Variants in SLC6A3 observed in about 807,000 individuals in gnomAD.
The protein encoded by SLC6A3 is solute carrier family 6 member 3.
A neutral mutation model predicts 70.4 loss-of-function variants in SLC6A3; 19 were observed. That is an observed-to-expected ratio of 0.27 (90% CI 0.19 to 0.40). SLC6A3 has a LOEUF of 0.40. Among genes scored for constraint, SLC6A3 ranks in the 10% least tolerant of loss-of-function variants. SLC6A3 has a pLI of 1.00. For missense variants in SLC6A3, 613 were observed against 838.5 expected (o/e 0.73, Z 3.32); for synonymous variants, 368 against 356.6 (o/e 1.03, Z -0.36).
intron 2 of SLC6A3, 103 bp from the exon 3 acceptor site, chr5:1,441,593 C>T (rs574328618): frequency 1.1e-4 from 150 of 1,355,318 alleles, no homozygotes; most frequent in Admixed American, 1.3e-4. Context: ...TGTCCTGGCC[C>T]GACCGTTTCA....
rs114987844 is a variant in SLC6A3, at chr5:1,438,827, G to A, written c.418+2532C>T. 0.01 allele frequency among the ~76,000 whole-genome samples: 1,571 copies of A among 152,298 alleles called. 26 individuals carry two copies. Among genetic ancestry groups the A allele is most frequent in the East Asian group, 0.06 (308 of 5,176 alleles). On this transcript the variant is annotated intron_variant, in intron 3 of 14. Transcript: ENST00000270349. This position sits in a 1 kb window ranked among gnomAD's most constrained non-coding sequence, Gnocchi z 6.5. The stretch of plus-strand genomic sequence containing the variant: ...ATCCAGCAAAGCACAGTTGGATGTC[G>A]CTGCAGCCTGTGCCAGAGCACAATG...
rs1479626266 is a variant in SLC6A3, at chr5:1,442,120, G to C, written c.287-630C>G. On this transcript the variant is annotated intron_variant, in intron 2 of 14. Coordinates refer to ENST00000270349, the MANE Select transcript of SLC6A3 (RefSeq NM_001044.5). This position sits in a 1 kb window ranked among gnomAD's most constrained non-coding sequence, Gnocchi z 5.0. ...CCTCTGCTCCCCTGGTCTGACTGGA[G>C]TGAGGGAGAGCTTTGCCACTCTCTC... Among the ~76,000 whole-genome samples the C allele has an allele frequency of 6.6e-6, 1 of 152,190 alleles. No homozygotes were observed. Among genetic ancestry groups the C allele is most frequent in the African/African-American group, 2.4e-5 (1 of 41,452 alleles).
In SLC6A3 at chr5:1,413,453, C is replaced by T. The variant is rs573514596; in HGVS notation, c.1156+1238G>A. Among the ~76,000 whole-genome samples the T allele has an allele frequency of 2.0e-5, 3 of 152,278 alleles. No homozygotes were observed. Among genetic ancestry groups the T allele is most frequent in the South Asian group, 2.1e-4 (1 of 4,830 alleles). The stretch of plus-strand genomic sequence containing the variant: ...TGCCCCACTCTGTGAGACTCAGGTG[C>T]GGTCAAGGCTGCCCCCGCTTGGTGC... On this transcript the variant is annotated intron_variant, in intron 8 of 14. Transcript: ENST00000270349. This position sits in a 1 kb window ranked among gnomAD's most constrained non-coding sequence, Gnocchi z 7.1.
rs2975291 is a variant in SLC6A3, at chr5:1,421,069, G to T, written c.793-366C>A. ...GTGGCACGATGAAGGGCTGCTCTGG[G>T]CTGTGTCCCTGCGGGAGGCTCCCGT... On this transcript the variant is annotated intron_variant, in intron 5 of 14. Coordinates refer to ENST00000270349, the MANE Select transcript of SLC6A3 (RefSeq NM_001044.5). This position sits in a 1 kb window ranked among gnomAD's most constrained non-coding sequence, Gnocchi z 7.2. Among the ~76,000 whole-genome samples the T allele has an allele frequency of 0.02, 3,070 of 152,056 alleles. 107 individuals carry two copies. The highest frequency in any genetic ancestry group is 0.071 in the African/African-American group (2,916 of 41,310).
At chr5:1,439,569 T>C (rs1756924010) in intron 3 of SLC6A3, among the ~76,000 whole-genome samples, 1 of 152,182 alleles carries the variant, frequency 6.6e-6, no homozygotes, top group African/African-American at 2.4e-5. Flanking sequence ...TGCCATCTGT[T>C]CCCTCTCCTA....
rs776273625 is a variant in SLC6A3 at position 1,409,709 on chromosome 5, G to C, written c.1398+12C>G. The C allele has an allele frequency of 3.7e-6, 6 of 1,612,880 alleles. No homozygotes were observed. The highest frequency in any genetic ancestry group is 5.1e-6 in the Non-Finnish European group (6 of 1,180,018). The stretch of plus-strand genomic sequence containing the variant: ...ATGACCAGGAGAAGGCGAAGCCGGC[G>C]ATGGTACGTACGTTGGTGACGCAGA... On this transcript the variant is annotated intron_variant, in intron 10 of 14. Coordinates refer to ENST00000270349, the MANE Select transcript of SLC6A3 (RefSeq NM_001044.5).
At chr5:1,410,617 C>G (rs1051763588) in intron 9 of SLC6A3, among the ~76,000 whole-genome samples, 1 of 152,160 alleles carries the variant, frequency 6.6e-6, no homozygotes, top group African/African-American at 2.4e-5. Context: ...CAGGGCCAGG[C>G]CTGGGATTGG....
Position 1,438,068 on chromosome 5 carries a change from G to A in SLC6A3, c.418+3291C>T, listed in dbSNP as rs1480655398. 2.6e-5 allele frequency among the ~76,000 whole-genome samples: 4 copies of A among 152,184 alleles called. No homozygotes were observed. Among genetic ancestry groups the A allele is most frequent in the Admixed American group, 6.5e-5 (1 of 15,288 alleles). ...GCAGAACAAACGGGACGCTGGCACC[G>A]GAACCTGCAGCGTTACTGAGATTCA... On this transcript the variant is annotated intron_variant, in intron 3 of 14. Transcript: ENST00000270349. The surrounding 1 kb of genome is among the most constrained non-coding windows in gnomAD (Gnocchi z 6.5).
In SLC6A3 at chr5:1,401,865, G is replaced by A. The variant is rs1471857379; in HGVS notation, c.1768-879C>T. ...CCCTGTGCTGGGTCCTGGCAGGTCA[G>A]CCCGTGGGGGTCTGAGAGGGACTGT... On this transcript the variant is annotated intron_variant, in intron 13 of 14. Transcript: ENST00000270349. The surrounding 1 kb of genome is among the most constrained non-coding windows in gnomAD (Gnocchi z 6.1). Among the ~76,000 whole-genome samples, 1 of 152,240 alleles carries A rather than the reference G, an allele frequency of 6.6e-6. No individual in the cohort carries two copies. Among genetic ancestry groups the A allele is most frequent in the African/African-American group, 2.4e-5 (1 of 41,472 alleles).
Position 1,441,467 on chromosome 5 carries a change from G to A in SLC6A3, c.310C>T (p.Leu104Phe), listed in dbSNP as rs141740642. ...GGCATCCCAGCAATGACCATGAAGA[G>A]CAGGTAGGGGACCAGGAAGGCACCT... ...GGGAFLVPYL[L>F]FMVIAGMPLF... The change falls in exon 3 of 15, where the codon CTC becomes TTC. Residue 104 changes from leucine to phenylalanine, a missense_variant. By Grantham distance (22) the Leu-to-Phe change is conservative. This residue lies in a region of SLC6A3 where 153 missense variants were observed against 249.4 expected (regional missense o/e 0.61). Coordinates refer to ENST00000270349, the MANE Select transcript of SLC6A3 (RefSeq NM_001044.5). The A allele has an allele frequency of 1.2e-6, 2 of 1,614,212 alleles. No individual in the cohort carries two copies. The highest frequency in any genetic ancestry group is 1.7e-6 in the Non-Finnish European group (2 of 1,180,042).
chr5:1,409,969 C>T, intron 9 of SLC6A3, 120 bp from the exon 10 acceptor site: 5 of 1,286,924 alleles, frequency 3.9e-6, no homozygotes, highest in East Asian at 2.3e-5. Context: ...ACAGGGGCCA[C>T]ATGGCCGTCC....
At position 1,414,070 on chromosome 5, in the gene SLC6A3, C is replaced by G. The variant is rs577944587; in HGVS notation, c.1156+621G>C. ...CGGCCTGGGGAGCGGGCAGGGACACCCTGTGCTGGAGGCCCCAGGGATCTC... is the reference window on the plus strand; with the variant it reads ...CGGCCTGGGGAGCGGGCAGGGACACGCTGTGCTGGAGGCCCCAGGGATCTC... On this transcript the variant is annotated intron_variant, in intron 8 of 14. Transcript: ENST00000270349. Among the ~76,000 whole-genome samples the G allele has an allele frequency of 3.3e-5, 5 of 152,246 alleles. No individual in the cohort carries two copies. In the East Asian group the frequency reaches 9.7e-4, roughly 30 times the overall value.
At position 1,421,864 on chromosome 5, in the gene SLC6A3, C is replaced by T. The variant is rs377327324; in HGVS notation, c.792+12G>A. On this transcript the variant is annotated intron_variant, in intron 5 of 14. Coordinates refer to ENST00000270349, the MANE Select transcript of SLC6A3 (RefSeq NM_001044.5). The surrounding 1 kb of genome is among the most constrained non-coding windows in gnomAD (Gnocchi z 7.2). ...ATGTCTACAGGCCCAATTGGTGACC[C>T]CCGAGCCTCACCTTCCCTGAGGTCT... The T allele has an allele frequency of 7.4e-6, 12 of 1,613,014 alleles. No homozygotes were observed. The African/African-American group carries it at 9.3e-5, about 13-fold the overall frequency.
intron 9 of SLC6A3, among the ~76,000 whole-genome samples, chr5:1,410,872 ATGTGTGTATG>A (rs964323121): frequency 6.6e-6 from 1 of 150,820 alleles, no homozygotes; most frequent in African/African-American, 2.4e-5. Context: ...GCGTGTGTGC[ATGTGTGTATG>A]TGTGTGCATG....
Position 1,404,141 on chromosome 5 carries a change from G to A in SLC6A3, c.1600-1052C>T, listed in dbSNP as rs28363126. On this transcript the variant is annotated intron_variant, in intron 12 of 14. Transcript: ENST00000270349. The surrounding 1 kb of genome is among the most constrained non-coding windows in gnomAD (Gnocchi z 5.2). Reference sequence around the variant, plus strand: ...CTTCCACCTGAAAAGCATGTTGGACGCGTGTCTCATGCCAGTCTCAGCATC... The same window carrying A: ...CTTCCACCTGAAAAGCATGTTGGACACGTGTCTCATGCCAGTCTCAGCATC... 0.019 allele frequency among the ~76,000 whole-genome samples: 2,842 copies of A among 152,338 alleles called. 101 individuals carry two copies. Among genetic ancestry groups the A allele is most frequent in the African/African-American group, 0.064 (2,644 of 41,556 alleles).
chr5:1,403,074 T>C lies in SLC6A3; in HGVS notation c.1615A>G (p.Ser539Gly). Residue 539 changes from serine (S) to glycine (G), a missense_variant, in exon 13 of 15, where the codon AGC (serine) becomes GGC (glycine). Physicochemically the swap from Ser to Gly is moderately conservative, Grantham distance 56 (BLOSUM62 0). Around this residue, in one of 4 missense-constraint regions of SLC6A3, gnomAD observed 348 missense variants for 481.2 expected, o/e 0.72. Transcript: ENST00000270349. Reference protein sequence around the residue: ...PCFLLFVVVVSIVTFRPPHYG... With the variant: ...PCFLLFVVVVGIVTFRPPHYG... ...TGGGGGGGTCTGAAGGTCACAATGC[T>C]GACCACGACCACGAACTGCAACCAG... The C allele has an allele frequency of 6.2e-7, 1 of 1,613,676 alleles. No homozygotes were observed. The highest frequency in any genetic ancestry group is 8.5e-7 in the Non-Finnish European group (1 of 1,179,990).
intron 14 of SLC6A3, among the ~76,000 whole-genome samples, chr5:1,399,352 T>C (rs564629069): frequency 6.6e-6 from 1 of 152,160 alleles, no homozygotes; most frequent in South Asian, 2.1e-4. Context: ...TTCATAGCCT[T>C]GAGTGCTTAC....
chr5:1,441,729 T>A (rs1579728293), intron 2 of SLC6A3, among the ~76,000 whole-genome samples: 1 of 152,110 alleles, frequency 6.6e-6, no homozygotes, highest in East Asian at 1.9e-4. Flanking sequence ...AGCCATGAAG[T>A]CAAACCCAAG....
chr5:1,429,060 C>T (rs2963246), intron 4 of SLC6A3, among the ~76,000 whole-genome samples: 4,020 of 152,310 alleles, frequency 0.026, 170 homozygotes, highest in African/African-American at 0.087. Context: ...CCTTTATGGC[C>T]TTTCACAGTG....
Sources: gnomAD v4.1 joint callset for allele counts (sites outside exome capture counted in the v4.1 genomes callset) on GRCh38, gnomAD v4.1.1 for gene constraint, gnomAD v4.1.1 regional missense constraint, Gnocchi (gnomAD v3.1) non-coding constraint, MANE v1.5 for transcripts, NCBI Gene and HGNC (gene_info 2026-07-23, HGNC 2026-07-21) for gene names.